Variants in MCTP1 observed in about 807,000 individuals in gnomAD.
MCTP1 encodes multiple C2 and transmembrane domain containing 1.
A neutral mutation model predicts 120.6 loss-of-function variants in MCTP1; 69 were observed. The ratio of observed to expected loss-of-function variants is 0.57; its 90% CI spans 0.47 to 0.70. The LOEUF (loss-of-function observed/expected upper bound fraction) is 0.70. Ranked by LOEUF, MCTP1 falls within the 30% of genes least tolerant of loss-of-function variation. MCTP1 has a pLI of 0.00. For synonymous variants in MCTP1, 529 were observed against 493.1 expected (o/e 1.07, Z -0.96); for missense variants, 1,203 against 1,248.8 (o/e 0.96, Z 0.55).
intron 16 of MCTP1, among the ~76,000 whole-genome samples, chr5:94,869,564 T>A (rs1458031765): frequency 6.6e-6 from 1 of 152,068 alleles, no homozygotes; most frequent in Non-Finnish European, 1.5e-5. Context: ...CTCACACACT[T>A]CCTTTAAACC....
chr5:95,116,792 G>A (rs1426927723), intron 1 of MCTP1, among the ~76,000 whole-genome samples: 3 of 151,944 alleles, frequency 2.0e-5, no homozygotes, highest in Non-Finnish European at 4.4e-5. Flanking sequence ...TATTCTCATT[G>A]TGACAACTGT....
chr5:95,018,742 C>A (rs934736272), intron 1 of MCTP1, among the ~76,000 whole-genome samples: 4 of 151,996 alleles, frequency 2.6e-5, no homozygotes, highest in Non-Finnish European at 4.4e-5. Context: ...TTGATTCCCA[C>A]CCACATCCAA....
intron 1 of MCTP1, among the ~76,000 whole-genome samples, chr5:95,104,676 G>A (rs909848009): frequency 6.6e-6 from 1 of 152,052 alleles, no homozygotes; most frequent in African/African-American, 2.4e-5. Context: ...TATGTTTACT[G>A]TTTTAAATTT....
At position 94,728,222 on chromosome 5, in the gene MCTP1, G is replaced by T. The variant is rs181498450; in HGVS notation, c.2611-13336C>A. Reference sequence around the variant, plus strand: ...AATTTATTTGAGGGAGAAAGGGCAAGAAAAAGATGAGAATCAATTTCAAAA... The same window carrying T: ...AATTTATTTGAGGGAGAAAGGGCAATAAAAAGATGAGAATCAATTTCAAAA... On this transcript the variant is annotated intron_variant, in intron 19 of 22. Transcript: ENST00000515393. 2.5e-4 allele frequency among the ~76,000 whole-genome samples: 38 copies of T among 152,248 alleles called. No individual in the cohort carries two copies. In the East Asian group the frequency reaches 5.6e-3, roughly 22 times the overall value.
chr5:95,052,125 T>C (rs2152010665), intron 1 of MCTP1, among the ~76,000 whole-genome samples: 1 of 152,366 alleles, frequency 6.6e-6, no homozygotes, highest in East Asian at 1.9e-4. Flanking sequence ...AAGTTTTATC[T>C]GAAATTTTGG....
intron 2 of MCTP1, among the ~76,000 whole-genome samples, chr5:95,009,991 G>A (rs1430008025): frequency 6.6e-6 from 1 of 152,134 alleles, no homozygotes; most frequent in Non-Finnish European, 1.5e-5. Flanking sequence ...TAGTGAATGT[G>A]GCTGTGGTGG....
intron 1 of MCTP1, among the ~76,000 whole-genome samples, chr5:95,199,927 G>A (rs950410849): frequency 4.6e-5 from 7 of 151,378 alleles, no homozygotes; most frequent in Non-Finnish European, 1.0e-4. Flanking sequence ...CTGGGAGGCC[G>A]AGGCAGGCGG....
chr5:95,153,276 C>T (rs1174978145), intron 1 of MCTP1, among the ~76,000 whole-genome samples: 1 of 152,172 alleles, frequency 6.6e-6, no homozygotes, highest in African/African-American at 2.4e-5. Context: ...GCCTTGCTTC[C>T]CTTTCGCCCT....
chr5:95,042,432 G>C (rs1164248869), intron 1 of MCTP1, among the ~76,000 whole-genome samples: 1 of 152,150 alleles, frequency 6.6e-6, no homozygotes, highest in African/African-American at 2.4e-5. Context: ...TTTATGGATA[G>C]TGATAAGCAA....
intron 1 of MCTP1, among the ~76,000 whole-genome samples, chr5:95,114,603 G>T (rs189670691): frequency 6.6e-6 from 1 of 152,180 alleles, no homozygotes. Flanking sequence ...AAGGGACTGC[G>T]TGTTGTTGTT....
chr5:95,150,743 T>A (rs1246996052), intron 1 of MCTP1, among the ~76,000 whole-genome samples: 2 of 151,992 alleles, frequency 1.3e-5, no homozygotes, highest in Non-Finnish European at 2.9e-5. Flanking sequence ...GGCTATAACA[T>A]CTAAAAATGT....
chr5:94,964,888 T>C (rs908045307), intron 2 of MCTP1, among the ~76,000 whole-genome samples: 4 of 152,162 alleles, frequency 2.6e-5, no homozygotes, highest in Non-Finnish European at 5.9e-5. Context: ...TTATTAACTG[T>C]TTTTTAGTTG....
intron 19 of MCTP1, among the ~76,000 whole-genome samples, chr5:94,777,076 A>G (rs772529183): frequency 1.2e-4 from 18 of 152,162 alleles, no homozygotes; most frequent in African/African-American, 4.3e-4. Context: ...CTCCTTTTTT[A>G]TCGCTCAAAT....
At chr5:95,017,325 A>G in intron 2 of MCTP1, 42 bp downstream of exon 2, 1 of 1,241,686 alleles carries the variant, frequency 8.1e-7, no homozygotes, top group Non-Finnish European at 1.2e-6. Flanking sequence ...TGTCATAAAC[A>G]CATAAAAAAG....
At chr5:95,236,042 T>C (rs1755510938) in intron 1 of MCTP1, among the ~76,000 whole-genome samples, 1 of 152,182 alleles carries the variant, frequency 6.6e-6, no homozygotes, top group Non-Finnish European at 1.5e-5. Flanking sequence ...TCCCAATTAA[T>C]TCTAAACACA....
intron 2 of MCTP1, among the ~76,000 whole-genome samples, chr5:94,956,980 T>A (rs1438348260): frequency 6.6e-6 from 1 of 152,074 alleles, no homozygotes; most frequent in Non-Finnish European, 1.5e-5. Context: ...TCACCAAGGT[T>A]GAAATGAAAG....
Position 94,912,753 on chromosome 5 carries a change from A to G in MCTP1, c.1521+53T>C, listed in dbSNP as rs1809065493. On this transcript the variant is annotated intron_variant, in intron 9 of 22. Transcript: ENST00000515393. ...TTTCATCTCCTAAAGCAGGGCTATTAACCAACCAATGCCTTCCAAATATTG... is the reference window on the plus strand; with the variant it reads ...TTTCATCTCCTAAAGCAGGGCTATTGACCAACCAATGCCTTCCAAATATTG... The G allele has an allele frequency of 4.9e-6, 7 of 1,431,520 alleles. No individual in the cohort carries two copies. The South Asian group carries it at 1.1e-4, about 22-fold the overall frequency. 88.7% of individuals were successfully genotyped at this position (1,431,520 alleles called of 1,614,324 possible). A position where few individuals can be genotyped will look rare whatever the true frequency, so the allele number is the denominator to read the frequency against.
chr5:94,854,427 G>A (rs988484132), intron 17 of MCTP1, among the ~76,000 whole-genome samples: 2 of 151,746 alleles, frequency 1.3e-5, no homozygotes, highest in Non-Finnish European at 1.5e-5. Flanking sequence ...GCAACTGCTG[G>A]CTAATGAAGA....
At chr5:94,819,188 G>T (rs1177854152) in intron 17 of MCTP1, among the ~76,000 whole-genome samples, 1 of 151,300 alleles carries the variant, frequency 6.6e-6, no homozygotes, top group East Asian at 1.9e-4. Flanking sequence ...TAGTACAATG[G>T]CACGATCTCG....
Sources: gnomAD v4.1 joint callset for allele counts (sites outside exome capture counted in the v4.1 genomes callset) on GRCh38, gnomAD v4.1.1 for gene constraint, MANE v1.5 for transcripts, NCBI Gene and HGNC (gene_info 2026-07-23, HGNC 2026-07-21) for gene names.